Variants in HEBP1 observed in about 807,000 individuals in gnomAD.
HEBP1 encodes heme-binding protein 1.
A neutral mutation model predicts 20.4 loss-of-function variants in HEBP1; 13 were observed. The ratio of observed to expected loss-of-function variants is 0.64; its 90% confidence interval spans 0.42 to 1.01. HEBP1 has a LOEUF of 1.01. Among genes scored for constraint, HEBP1 ranks in the 50% least tolerant of loss-of-function variants. HEBP1 has a pLI of 0.00. For missense variants in HEBP1, 241 were observed against 247.3 expected, an observed-to-expected ratio of 0.97 and a Z score of 0.17; for synonymous variants, 92 against 90.7, an observed-to-expected ratio of 1.01 and a Z score of -0.08.
chr12:12,999,747 G>C (rs1310575362), intron 1 of HEBP1, among the ~76,000 whole-genome samples: 1 of 152,218 alleles, frequency 6.6e-6, no homozygotes, highest in Non-Finnish European at 1.5e-5. Context: ...TTAAACGAAA[G>C]AATGCATTCA....
At chr12:12,978,335 C>T (rs530809011) in intron 3 of HEBP1, among the ~76,000 whole-genome samples, 31 of 150,206 alleles carry the variant, frequency 2.1e-4, no homozygotes, top group East Asian at 3.9e-4. Flanking sequence ...CTTAGCTTCC[C>T]GAGTAGCTGG....
At position 13,000,037 on chromosome 12, in the gene HEBP1, C is replaced by G. The variant is rs762131461; in HGVS notation, c.78G>C (p.Lys26Asn). 3.7e-6 allele frequency: 6 copies of G among 1,608,896 alleles called. No individual in the cohort carries two copies. Among genetic ancestry groups the G allele is most frequent in the South Asian group, 1.1e-5 (1 of 90,366 alleles). The change falls in exon 1 of 4, where the codon AAG (lysine) becomes AAC (asparagine). Residue 26 changes from lysine to asparagine, a missense_variant and splice_region_variant. Lys to Asn is a moderately conservative substitution (Grantham distance 94). Transcript: ENST00000014930. ...WPWQVLSKGDKEEVAYEERAC... is the reference protein window; with the variant it reads ...WPWQVLSKGDNEEVAYEERAC... ...GTCCTCGGCAGCCCTGCGGGCCTACCTTGTCCCCTTTGCTTAGGACCTGCC... is the reference window on the plus strand; with the variant it reads ...GTCCTCGGCAGCCCTGCGGGCCTACGTTGTCCCCTTTGCTTAGGACCTGCC...
intron 3 of HEBP1, among the ~76,000 whole-genome samples, chr12:12,976,191 TA>T (rs2136534413): frequency 6.6e-6 from 1 of 152,186 alleles, no homozygotes; most frequent in African/African-American, 2.4e-5. Context: ...ACACAAGCTT[TA>T]AACATGCCCC....
At chr12:12,976,087 A>AC (rs1363633838) in intron 3 of HEBP1, among the ~76,000 whole-genome samples, 2 of 151,572 alleles carry the variant, frequency 1.3e-5, no homozygotes, top group Admixed American at 6.6e-5. Context: ...CAAAAAAAAA[A>AC]AAAAAAAAAA....
rs138146193 is a variant in HEBP1, at chr12:12,987,220, G to A, written c.330C>T (p.Ser110=). The A allele has an allele frequency of 4.3e-5, 69 of 1,613,906 alleles. 1 individual carries two copies. The African/African-American group carries it at 6.7e-4, about 16-fold the overall frequency. The change falls in exon 3 of 4, where the codon AGC becomes AGT. Residue 110 remains serine, a synonymous_variant. Transcript: ENST00000014930. ...VWFRIPNQFQ[S]DPPAPSDKSV... is the part of the protein sequence containing the mutation. ...TTTTGTCACTGGGAGCTGGTGGGTCGCTTTGAAATTGGTTTGGAATCCGGA... is the reference window on the plus strand; with the variant it reads ...TTTTGTCACTGGGAGCTGGTGGGTCACTTTGAAATTGGTTTGGAATCCGGA...
At position 12,996,218 on chromosome 12, in the gene HEBP1, G is replaced by A. The variant is rs1864287446; in HGVS notation, c.78+3819C>T. Among the ~76,000 whole-genome samples the A allele has an allele frequency of 6.6e-6, 1 of 152,202 alleles. No homozygotes were observed. The highest frequency in any genetic ancestry group is 2.4e-5 in the African/African-American group (1 of 41,442). On this transcript the variant is annotated intron_variant, in intron 1 of 3. Coordinates refer to ENST00000014930, the MANE Select transcript of HEBP1 (RefSeq NM_015987.5). The surrounding 1 kb of genome is among the most constrained non-coding windows in gnomAD (Gnocchi z 4.1). ...TTTCAGATGAAACTGGGGAACAAGA[G>A]GTTAAGTAACATGCCCAAACTGCAG...
intron 3 of HEBP1, among the ~76,000 whole-genome samples, chr12:12,976,077 CAA>C (rs56110606): frequency 0.4 from 34,159 of 85,404 alleles, 4,215 homozygotes; most frequent in Non-Finnish European, 0.48. Flanking sequence ...GACCCTGTGT[CAA>C]AAAAAAAAAA....
intron 3 of HEBP1, among the ~76,000 whole-genome samples, chr12:12,975,732 ACT>A (rs76150490): frequency 0.12 from 18,317 of 151,584 alleles, 1,483 homozygotes; most frequent in Admixed American, 0.23. Flanking sequence ...GACGTGAAAA[ACT>A]CTAATGCGGG....
chr12:12,978,299 C>T (rs1057052228), intron 3 of HEBP1, among the ~76,000 whole-genome samples: 5 of 149,358 alleles, frequency 3.3e-5, no homozygotes, highest in African/African-American at 9.9e-5. Context: ...CAACCTCTGC[C>T]TCCCAGGTTC....
chr12:12,990,116 GCACACACA>G (rs36210276), intron 1 of HEBP1, among the ~76,000 whole-genome samples: 4,612 of 149,558 alleles, frequency 0.031, 130 homozygotes, highest in East Asian at 0.1. Context: ...TACTCTCTGT[GCACACACA>G]CACACACACA....
rs1864286781 is a variant in HEBP1 at position 12,996,178 on chromosome 12, G to A, written c.78+3859C>T. Among the ~76,000 whole-genome samples, 1 of 152,132 alleles carries A rather than the reference G, an allele frequency of 6.6e-6. No individual in the cohort carries two copies. Among genetic ancestry groups the A allele is most frequent in the Non-Finnish European group, 1.5e-5 (1 of 68,026 alleles). ...TCCAATAACCCTGTGAAGAAGTTAGGGCTTTAATCTTCATTTTCAGATGAA... is the reference window on the plus strand; with the variant it reads ...TCCAATAACCCTGTGAAGAAGTTAGAGCTTTAATCTTCATTTTCAGATGAA... On this transcript the variant is annotated intron_variant, in intron 1 of 3. Coordinates refer to ENST00000014930, the MANE Select transcript of HEBP1 (RefSeq NM_015987.5). The surrounding 1 kb of genome is among the most constrained non-coding windows in gnomAD (Gnocchi z 4.1).
In HEBP1 at chr12:12,996,058, A is replaced by G. The variant is rs1591578562; in HGVS notation, c.78+3979T>C. On this transcript the variant is annotated intron_variant, in intron 1 of 3. Coordinates refer to ENST00000014930, the MANE Select transcript of HEBP1 (RefSeq NM_015987.5). This position sits in a 1 kb window ranked among gnomAD's most constrained non-coding sequence, Gnocchi z 4.1. ...GTTGGAAACCTGCTTTCTCATTACA[A>G]GAAAATACTGATCATAACAATTAAC... Among the ~76,000 whole-genome samples the G allele has an allele frequency of 6.6e-6, 1 of 152,246 alleles. No individual in the cohort carries two copies. Among genetic ancestry groups the G allele is most frequent in the South Asian group, 2.1e-4 (1 of 4,832 alleles).
At position 12,996,219 on chromosome 12, in the gene HEBP1, G is replaced by T. The variant is rs548110286; in HGVS notation, c.78+3818C>A. ...TTCAGATGAAACTGGGGAACAAGAG[G>T]TTAAGTAACATGCCCAAACTGCAGC... On this transcript the variant is annotated intron_variant, in intron 1 of 3. Coordinates refer to ENST00000014930, the MANE Select transcript of HEBP1 (RefSeq NM_015987.5). This position sits in a 1 kb window ranked among gnomAD's most constrained non-coding sequence, Gnocchi z 4.1. 2.6e-5 allele frequency among the ~76,000 whole-genome samples: 4 copies of T among 152,312 alleles called. No homozygotes were observed. Among genetic ancestry groups the T allele is most frequent in the African/African-American group, 9.6e-5 (4 of 41,580 alleles).
chr12:12,999,818 C>T (rs911714871), intron 1 of HEBP1, among the ~76,000 whole-genome samples: 3 of 152,238 alleles, frequency 2.0e-5, no homozygotes, highest in African/African-American at 4.8e-5. Flanking sequence ...CTCCTGTTTA[C>T]CCCCCTCCTC....
At chr12:12,978,489 C>G (rs1322253256) in intron 3 of HEBP1, among the ~76,000 whole-genome samples, 1 of 152,036 alleles carries the variant, frequency 6.6e-6, no homozygotes, top group Non-Finnish European at 1.5e-5. Flanking sequence ...AGGTGTGAGC[C>G]ACCACGCCCG....
chr12:12,999,633 G>T (rs1211862920), intron 1 of HEBP1, among the ~76,000 whole-genome samples: 2 of 152,238 alleles, frequency 1.3e-5, no homozygotes, highest in African/African-American at 2.4e-5. Context: ...GATAAAGGGG[G>T]CTACTATCCG....
chr12:12,981,659 G>C (rs547809187), intron 3 of HEBP1, among the ~76,000 whole-genome samples: 2 of 152,232 alleles, frequency 1.3e-5, no homozygotes, highest in African/African-American at 4.8e-5. Context: ...TTCTTCCAGG[G>C]GCAAGGACAT....
intron 3 of HEBP1, chr12:12,983,748 CAG>C (rs1357698466): frequency 2.2e-6 from 1 of 456,016 alleles, no homozygotes; most frequent in South Asian, 1.5e-5. Flanking sequence ...GTTTAGATTT[CAG>C]AGAATTAAAA....
chr12:12,977,042 C>T (rs1168507895), intron 3 of HEBP1, among the ~76,000 whole-genome samples: 1 of 152,198 alleles, frequency 6.6e-6, no homozygotes, highest in African/African-American at 2.4e-5. Flanking sequence ...GGAAAAGGGA[C>T]AATGTTGGCT....
Sources: gnomAD v4.1 joint callset for allele counts (sites outside exome capture counted in the v4.1 genomes callset) on GRCh38, gnomAD v4.1.1 for gene constraint, Gnocchi (gnomAD v3.1) non-coding constraint, MANE v1.5 for transcripts, NCBI Gene and HGNC (gene_info 2026-07-23, HGNC 2026-07-21) for gene names.